The following MTRR variants were observed in gnomAD, a reference collection of about 807,000 sequenced individuals.
MTRR encodes methionine synthase reductase.
In MTRR, 63 loss-of-function variants were observed where a neutral mutation model predicts 79.2. The observed-to-expected ratio is 0.80, with a 90% CI of 0.65 to 0.98. MTRR has a LOEUF of 0.98. Ranked by LOEUF, MTRR falls within the 50% of genes least tolerant of loss-of-function variation. MTRR has a pLI of 0.00. For synonymous variants in MTRR, 355 were observed against 313.3 expected, an observed-to-expected ratio of 1.13 and a Z score of -1.41; for missense variants, 895 against 839.6, an observed-to-expected ratio of 1.07 and a Z score of -0.82.
chr5:7,868,804 C>G (rs137971893), upstream of MTRR, among the ~76,000 whole-genome samples: 180 of 152,316 alleles, frequency 1.2e-3, no homozygotes, highest in African/African-American at 4.2e-3. Flanking sequence ...ACGGGAGGCC[C>G]CGCGGCGCGT....
intron 1 of MTRR, among the ~76,000 whole-genome samples, chr5:7,857,977 A>G (rs1457633843): frequency 1.3e-5 from 2 of 152,226 alleles, no homozygotes; most frequent in South Asian, 4.1e-4. Flanking sequence ...TTTTCTTCAT[A>G]GCATTTATAA....
chr5:7,898,070 T>G (rs1262921482), intron 14 of MTRR, among the ~76,000 whole-genome samples: 1 of 152,240 alleles, frequency 6.6e-6, no homozygotes, highest in African/African-American at 2.4e-5. Context: ...TCCATTTTAT[T>G]TAGTTTGCTT....
chr5:7,851,039 C>A (rs1168504758), upstream of MTRR: 1 of 1,240,530 alleles, frequency 8.1e-7, no homozygotes. Context: ...CCGTCCAGCG[C>A]CCCCGCCTTG....
rs186933704 is a variant in MTRR at position 7,853,610 on chromosome 5, A to T, written n.391+2025A>T. Among the ~76,000 whole-genome samples the T allele has an allele frequency of 1.2e-4, 18 of 152,344 alleles. No homozygotes were observed. The East Asian group carries it at 2.5e-3, about 21-fold the overall frequency. On this transcript the variant is annotated intron_variant and non_coding_transcript_variant, in intron 1 of 3. Transcript: ENST00000502509. ...GAGAGACACCAAGGATGCACTACCCAGGTCACTGCTGAAGGCAACTGGTGA... is the reference window on the plus strand; with the variant it reads ...GAGAGACACCAAGGATGCACTACCCTGGTCACTGCTGAAGGCAACTGGTGA...
At chr5:7,865,686 T>C (rs1746895511), upstream of MTRR, among the ~76,000 whole-genome samples, 1 of 152,150 alleles carries the variant, frequency 6.6e-6, no homozygotes, top group Admixed American at 6.5e-5. Flanking sequence ...TAAAACCTCC[T>C]AAGAAATCTT....
Position 7,892,794 on chromosome 5 carries a change from A to G in MTRR, c.1438A>G (p.Thr480Ala), listed in dbSNP as rs1013781615. ...FNIVEFLSTA[T>A]TEVLRKGVCT... Reference sequence around the variant, plus strand: ...CATTGTGGAATTTCTGTCTACTGCCACAACAGAGGTTCTGCGGAAGGGAGT... The same window carrying G: ...CATTGTGGAATTTCTGTCTACTGCCGCAACAGAGGTTCTGCGGAAGGGAGT... The change falls in exon 11 of 15, where the codon ACA becomes GCA. Residue 480 changes from threonine (T) to alanine (A), a missense_variant. By Grantham distance (58) the Thr-to-Ala change is moderately conservative (BLOSUM62 0). Coordinates refer to ENST00000440940, the MANE Select transcript of MTRR (RefSeq NM_002454.3). The G allele has an allele frequency of 6.2e-7, 1 of 1,614,114 alleles. No homozygotes were observed. The highest frequency in any genetic ancestry group is 1.3e-5 in the African/African-American group (1 of 74,940).
rs761818871 is a variant in MTRR, at chr5:7,899,905, C to A, written c.1953-9C>A. ...TTGTAAGCAGTCATCTTATTATTTT[C>A]TTTTCTAGAGATGCAAAGAATATGG... is the stretch of plus-strand genomic sequence containing the variant. On this transcript the variant is annotated splice_polypyrimidine_tract_variant and intron_variant, in intron 14 of 14. Transcript: ENST00000440940. 13 of 1,613,980 alleles carry A rather than the reference C, an allele frequency of 8.1e-6. No individual in the cohort carries two copies. Among genetic ancestry groups the A allele is most frequent in the Non-Finnish European group, 8.5e-7 (1 of 1,179,990 alleles).
intron 8 of MTRR, 24 bp downstream of exon 8, chr5:7,886,727 G>C: frequency 6.5e-7 from 1 of 1,550,328 alleles, no homozygotes; most frequent in South Asian, 1.1e-5. Context: ...TCTTCTTCAG[G>C]TAACTATTTT....
At chr5:7,852,572 A>G (rs905119972) in intron 1 of MTRR, among the ~76,000 whole-genome samples, 7 of 152,080 alleles carry the variant, frequency 4.6e-5, no homozygotes, top group African/African-American at 1.7e-4. Context: ...CATTGGAGCC[A>G]CTTGGAGAGG....
At position 7,886,675 on chromosome 5, in the gene MTRR, G is replaced by A. The variant is rs1374004546; in HGVS notation, c.1118G>A (p.Cys373Tyr). ...TCTCTCCAGTTCATTTTTACCTGGT[G>A]TCTTGAAATCCGAGCAATTCCTAAA... ...GCSLQFIFTW[C>Y]LEIRAIPKKA... The change falls in exon 8 of 15, where the codon TGT becomes TAT. Residue 373 changes from cysteine to tyrosine, a missense_variant. Coordinates refer to ENST00000440940, the MANE Select transcript of MTRR (RefSeq NM_002454.3). The A allele has an allele frequency of 1.9e-6, 3 of 1,613,808 alleles. No individual in the cohort carries two copies. Among genetic ancestry groups the A allele is most frequent in the Middle Eastern group, 1.7e-4 (1 of 6,060 alleles).
At chr5:7,895,022 C>T (rs1296625168) in intron 11 of MTRR, among the ~76,000 whole-genome samples, 1 of 152,118 alleles carries the variant, frequency 6.6e-6, no homozygotes, top group Non-Finnish European at 1.5e-5. Context: ...CTACAGTCGT[C>T]CTTGAGTTAA....
At chr5:7,880,806 C>G (rs1735452699) in intron 5 of MTRR, among the ~76,000 whole-genome samples, 2 of 152,214 alleles carry the variant, frequency 1.3e-5, no homozygotes, top group Admixed American at 6.5e-5. Flanking sequence ...CATTTACCGC[C>G]TGGCCCCCAT....
intron 11 of MTRR, chr5:7,893,488 T>A (rs992983324): frequency 5.1e-5 from 8 of 156,070 alleles, no homozygotes; most frequent in Non-Finnish European, 1.1e-4. Context: ...AGTAAAAGGT[T>A]ATGTGATTTT....
In MTRR at chr5:7,892,844, G is replaced by A. The variant is rs1158860588; in HGVS notation, c.1488G>A (p.Leu496=). 6.2e-7 allele frequency: 1 copy of A among 1,614,194 alleles called. No individual in the cohort carries two copies. The highest frequency in any genetic ancestry group is 8.5e-7 in the Non-Finnish European group (1 of 1,180,036). ...KGVCTGWLAL[L]VASVLQPNIH... Reference sequence around the variant, plus strand: ...TATGTACAGGCTGGCTGGCCTTGTTGGTTGCTTCAGTTCTTCAGCCAAACA... The same window carrying A: ...TATGTACAGGCTGGCTGGCCTTGTTAGTTGCTTCAGTTCTTCAGCCAAACA... The change falls in exon 11 of 15, where the codon TTG becomes TTA. Residue 496 remains leucine, a synonymous_variant. Transcript: ENST00000440940.
intron 1 of MTRR, 192 bp downstream of exon 1, chr5:7,869,407 C>T (rs1579579060): frequency 1.6e-6 from 1 of 616,498 alleles, no homozygotes; most frequent in Admixed American, 3.0e-5. Flanking sequence ...CTTTGGTGTC[C>T]CCGGGAGCGT....
chr5:7,870,681 C>T, intron 1 of MTRR, 89 bp from the exon 2 acceptor site: 1 of 1,390,530 alleles, frequency 7.2e-7, no homozygotes, highest in Non-Finnish European at 1.0e-6. Flanking sequence ...GGTATTGTTG[C>T]ATTGTTTCTT....
intron 9 of MTRR, among the ~76,000 whole-genome samples, chr5:7,889,631 G>T (rs1175291913): frequency 6.6e-6 from 1 of 152,036 alleles, no homozygotes; most frequent in Non-Finnish European, 1.5e-5. Flanking sequence ...TTTCAGAAAG[G>T]TTGTTTAGCT....
upstream of MTRR, chr5:7,866,733 G>A (rs1473985705): frequency 1.9e-6 from 3 of 1,613,878 alleles, no homozygotes; most frequent in South Asian, 3.3e-5. Context: ...GAATGAAGAA[G>A]TTTCAATAAT....
At chr5:7,864,097 C>T (rs149877403) in intron 2 of MTRR, among the ~76,000 whole-genome samples, 17 of 152,254 alleles carry the variant, frequency 1.1e-4, no homozygotes, top group Non-Finnish European at 1.6e-4. Context: ...GTGATCCACC[C>T]GCCTTGGCCT....
Sources: allele counts gnomAD v4.1 joint callset (sites outside exome capture counted in the v4.1 genomes callset), GRCh38; gene constraint gnomAD v4.1.1; transcripts MANE v1.5; gene names NCBI Gene and HGNC (gene_info 2026-07-23, HGNC 2026-07-21).